The following MASP1 variants were observed in gnomAD, a reference collection of about 807,000 sequenced individuals.
The protein encoded by MASP1 is mannan-binding lectin serine protease 1.
MASP1 carries 59 observed loss-of-function variants against 77.1 expected under a neutral mutation model. The observed-to-expected ratio is 0.77, with a 90% CI of 0.62 to 0.95. The LOEUF (loss-of-function observed/expected upper bound fraction) is 0.95, where lower values mean the gene tolerates loss of function less well. Ranked by LOEUF, MASP1 falls within the 40% of genes least tolerant of loss-of-function variation. The pLI is 0.00. For synonymous variants in MASP1, 362 were observed against 354.5 expected, an observed-to-expected ratio of 1.02 and a Z score of -0.24; for missense variants, 885 against 912.9, an observed-to-expected ratio of 0.97 and a Z score of 0.39.
intron 15 of MASP1, chr3:187,221,003 C>T (rs746686578): frequency 9.6e-6 from 15 of 1,557,584 alleles, no homozygotes; most frequent in East Asian, 2.2e-5. Context: ...TGGCTGGCAG[C>T]GCCCCTGTTG....
At chr3:187,224,340 AT>A (rs1181826969) in intron 13 of MASP1, among the ~76,000 whole-genome samples, 8,243 of 101,980 alleles carry the variant, frequency 0.081, 146 homozygotes, top group African/African-American at 0.11. Context: ...TGTGCTGAGT[AT>A]TTTTTTTTTT....
intron 2 of MASP1, among the ~76,000 whole-genome samples, chr3:187,274,269 C>T (rs1716772915): frequency 6.6e-6 from 1 of 151,984 alleles, no homozygotes; most frequent in Non-Finnish European, 1.5e-5. Context: ...GTGGAACTTT[C>T]CAGTTGACAG....
Position 187,285,856 on chromosome 3 carries a change from G to A in MASP1, c.206C>T (p.Ser69Phe). 3 of 1,614,146 alleles carry A rather than the reference G, an allele frequency of 1.9e-6. No homozygotes were observed. The highest frequency in any genetic ancestry group is 2.5e-6 in the Non-Finnish European group (3 of 1,179,980). ...ATAGTCATATTCACAAAGGTAGGAG[G>A]ATTCCAAGTTGAAGTGCATGAAGTA... ...KLYFMHFNLE[S>F]SYLCEYDYVK... Residue 69 changes from serine (S) to phenylalanine (F), a missense_variant, in exon 2 of 11, where the codon TCC becomes TTC. Ser to Phe is a radical substitution (Grantham distance 155). Transcript: ENST00000296280.
rs752132530 is a variant in MASP1, at chr3:187,235,543, T to C, written c.*141A>G. 8 of 1,541,372 alleles carry C rather than the reference T, an allele frequency of 5.2e-6. No individual in the cohort carries two copies. In the South Asian group the frequency reaches 5.9e-5, roughly 11 times the overall value. On this transcript the variant is annotated 3_prime_UTR_variant, in exon 11 of 11. Transcript: ENST00000296280. ...TACCACACTCTGCCTCTCAGGGTCC[T>C]GGGGGCTGTCTCGGTAGGAGAAGCC... is the stretch of plus-strand genomic sequence containing the variant.
chr3:187,260,893 C>T, intron 3 of MASP1, 21 bp from the exon 4 acceptor site: 1 of 1,614,026 alleles, frequency 6.2e-7, no homozygotes, highest in Non-Finnish European at 8.5e-7. Flanking sequence ...GGTAAAGCCT[C>T]TCCATCAATA....
downstream of MASP1, among the ~76,000 whole-genome samples, chr3:187,233,106 C>G (rs545766884): frequency 6.6e-6 from 1 of 152,334 alleles, no homozygotes; most frequent in Non-Finnish European, 1.5e-5. Context: ...CATCCCTCAT[C>G]AGGACAGTTG....
intron 2 of MASP1, among the ~76,000 whole-genome samples, chr3:187,278,125 G>T (rs934220636): frequency 2.0e-5 from 3 of 152,168 alleles, no homozygotes; most frequent in African/African-American, 7.2e-5. Context: ...TTCACAGTAA[G>T]TCTATGAAAT....
rs932573438 is a variant in MASP1 at position 187,279,359 on chromosome 3, A to T, written c.237+6466T>A. Among the ~76,000 whole-genome samples the T allele has an allele frequency of 5.9e-5, 9 of 152,250 alleles. No homozygotes were observed. In the South Asian group the frequency reaches 1.0e-3, roughly 18 times the overall value. ...CTGGTGTTGGCTGATTGTTGAAGGC[A>T]GGAAGCTGCAAGAGTTGCCAGATTT... On this transcript the variant is annotated intron_variant, in intron 2 of 10. Transcript: ENST00000296280.
intron 2 of MASP1, among the ~76,000 whole-genome samples, chr3:187,266,887 T>A (rs1716073730): frequency 6.6e-6 from 1 of 152,162 alleles, no homozygotes; most frequent in African/African-American, 2.4e-5. Context: ...GGAAGACAGC[T>A]ACTCTATGGA....
At chr3:187,238,228 G>T (rs1314712832) in intron 10 of MASP1, among the ~76,000 whole-genome samples, 1 of 152,222 alleles carries the variant, frequency 6.6e-6, no homozygotes, top group Admixed American at 6.5e-5. Flanking sequence ...GCACACTGCA[G>T]GTCACAGATC....
In MASP1 at chr3:187,234,253, T is replaced by G. The variant is rs776571259; in HGVS notation, c.*1431A>C. The G allele has an allele frequency of 7.8e-7, 1 of 1,287,194 alleles. No individual in the cohort carries two copies. The highest frequency in any genetic ancestry group is 1.2e-5 in the South Asian group (1 of 80,936). 79.7% of individuals were successfully genotyped at this position (1,287,194 alleles called of 1,614,324 possible). A position where few individuals can be genotyped will look rare whatever the true frequency, so the allele number is the denominator to read the frequency against. ...GTGTTTGATGAGCCGGTTGAGAAAGTGGACACTTCCCAATCATTCCCTCTC... is the reference window on the plus strand; with the variant it reads ...GTGTTTGATGAGCCGGTTGAGAAAGGGGACACTTCCCAATCATTCCCTCTC... On this transcript the variant is annotated 3_prime_UTR_variant, in exon 11 of 11. Transcript: ENST00000296280.
Position 187,234,912 on chromosome 3 carries a change from G to A in MASP1, c.*772C>T, listed in dbSNP as rs1713016730. ...CCCATGGTGTCAGCTGGTGTTCCAG[G>A]GTGGCATATGGGCCCAAATGTGTTC... On this transcript the variant is annotated 3_prime_UTR_variant, in exon 11 of 11. Transcript: ENST00000296280. 7.8e-7 allele frequency: 1 copy of A among 1,287,024 alleles called. No homozygotes were observed. Among genetic ancestry groups the A allele is most frequent in the African/African-American group, 1.5e-5 (1 of 65,776 alleles). The allele number at this position is 1,287,024 out of a possible 1,614,324, so 79.7% of individuals were successfully genotyped here.
downstream of MASP1, among the ~76,000 whole-genome samples, chr3:187,229,260 T>C (rs922086379): frequency 6.6e-6 from 1 of 152,112 alleles, no homozygotes; most frequent in African/African-American, 2.4e-5. Context: ...CCATCCATCA[T>C]ACCCTGTTCT....
chr3:187,258,141 T>C (rs1383274337), intron 4 of MASP1, among the ~76,000 whole-genome samples: 2 of 152,250 alleles, frequency 1.3e-5, no homozygotes, highest in African/African-American at 4.8e-5. Context: ...GCTGAACAAG[T>C]ACTGGCCTTG....
intron 7 of MASP1, chr3:187,251,426 A>AC (rs886632795): frequency 2.8e-5 from 16 of 566,910 alleles, no homozygotes; most frequent in South Asian, 6.2e-5. Context: ...AAAAAAAAAA[A>AC]AACAAACTTT....
rs116001173 is a variant in MASP1, at chr3:187,253,197, C to T, written c.863G>A (p.Arg288Gln). The change falls in exon 6 of 11, where the codon CGG (arginine) becomes CAG (glutamine). Residue 288 changes from arginine to glutamine, a missense_variant. Physicochemically the swap from Arg to Gln is conservative, Grantham distance 43. Transcript: ENST00000296280. ...LFHSDNSGEN[R>Q]GWRLSYRAAG... ...AGCCCTGTATGAGAGCCTCCAGCCC[C>T]GGTTCTCTCCCGAGTTGTCACTATG... 2.6e-4 allele frequency: 427 copies of T among 1,614,108 alleles called. 3 individuals carry two copies. The African/African-American group carries it at 4.0e-3, about 15-fold the overall frequency.
intron 8 of MASP1, among the ~76,000 whole-genome samples, chr3:187,248,150 A>G (rs138183572): frequency 2.6e-5 from 4 of 152,310 alleles, no homozygotes; most frequent in African/African-American, 4.8e-5. Context: ...AATCCAGCCT[A>G]TTTTGGGAGA....
intron 2 of MASP1, among the ~76,000 whole-genome samples, chr3:187,270,284 T>C (rs1184093175): frequency 6.6e-6 from 1 of 152,240 alleles, no homozygotes; most frequent in African/African-American, 2.4e-5. Flanking sequence ...CACTTCCTTG[T>C]AAAACTCAGT....
chr3:187,248,453 C>T (rs1714285076), intron 8 of MASP1, among the ~76,000 whole-genome samples: 1 of 152,206 alleles, frequency 6.6e-6, no homozygotes, highest in Non-Finnish European at 1.5e-5. Flanking sequence ...ACACTGATTA[C>T]AGCTGAGAGG....
Sources: gnomAD v4.1 joint callset for allele counts (sites outside exome capture counted in the v4.1 genomes callset) on GRCh38, gnomAD v4.1.1 for gene constraint, MANE v1.5 for transcripts, NCBI Gene and HGNC (gene_info 2026-07-23, HGNC 2026-07-21) for gene names.